Variants in SLC24A2 observed in about 807,000 individuals in gnomAD.
The protein encoded by SLC24A2 is sodium/potassium/calcium exchanger 2.
A neutral mutation model predicts 62.0 loss-of-function variants in SLC24A2; 36 were observed. The ratio of observed to expected loss-of-function variants is 0.58; its 90% CI spans 0.44 to 0.77. SLC24A2 has a LOEUF of 0.77. Ranked by LOEUF, SLC24A2 falls within the 30% of genes least tolerant of loss-of-function variation. The pLI is 0.00. For synonymous variants in SLC24A2, 358 were observed against 294.0 expected, an observed-to-expected ratio of 1.22 and a Z score of -2.23; for missense variants, 846 against 817.9, an observed-to-expected ratio of 1.03 and a Z score of -0.42.
At chr9:19,961,154 A>G in the SLC24A2 span, among the ~76,000 whole-genome samples, 2 of 151,476 alleles carry the variant, frequency 1.3e-5, no homozygotes, top group Non-Finnish European at 2.9e-5. Context: ...AGAGAGAGAG[A>G]GAGAGAGAGA....
Position 19,599,967 on chromosome 9 carries a change from T to C in SLC24A2, c.1079-2688A>G, listed in dbSNP as rs1319261654. 6.6e-6 allele frequency among the ~76,000 whole-genome samples: 1 copy of C among 152,186 alleles called. No individual in the cohort carries two copies. The highest frequency in any genetic ancestry group is 1.5e-5 in the Non-Finnish European group (1 of 68,022). On this transcript the variant is annotated intron_variant, in intron 4 of 10. Transcript: ENST00000341998. This position sits in a 1 kb window ranked among gnomAD's most constrained non-coding sequence, Gnocchi z 4.5. ...ATTCAAACTGGGGCTAATCCAAGGT[T>C]AGTTTTTTTGGGGATAGGAGGAAAG... is the stretch of plus-strand genomic sequence containing the variant.
At chr9:19,910,692 G>A in the SLC24A2 span, among the ~76,000 whole-genome samples, 2 of 151,898 alleles carry the variant, frequency 1.3e-5, no homozygotes, top group African/African-American at 2.4e-5. Flanking sequence ...CTGTCACCTC[G>A]CTATATCTAC....
chr9:20,016,168 C>T, the SLC24A2 span, among the ~76,000 whole-genome samples: 1 of 152,116 alleles, frequency 6.6e-6, no homozygotes, highest in African/African-American at 2.4e-5. Flanking sequence ...TAATACTTCC[C>T]CTTCCAAAGA....
At chr9:20,086,415 T>C in the SLC24A2 span, among the ~76,000 whole-genome samples, 1 of 152,148 alleles carries the variant, frequency 6.6e-6, no homozygotes, top group Non-Finnish European at 1.5e-5. Context: ...CTCCAAGCCC[T>C]AATGTGTTTG....
the SLC24A2 span, among the ~76,000 whole-genome samples, chr9:19,974,315 T>A: frequency 6.6e-6 from 1 of 152,178 alleles, no homozygotes; most frequent in Non-Finnish European, 1.5e-5. Flanking sequence ...AACCCTATAG[T>A]GAAATTTCTC....
chr9:20,137,024 G>T, the SLC24A2 span, among the ~76,000 whole-genome samples: 1 of 152,132 alleles, frequency 6.6e-6, no homozygotes, highest in African/African-American at 2.4e-5. Flanking sequence ...TATATTAAAT[G>T]GAGGCACATC....
chr9:19,521,864 C>T lies in SLC24A2; in HGVS notation c.1570-804G>A, dbSNP rs1389947924. On this transcript the variant is annotated intron_variant, in intron 9 of 10. Coordinates refer to ENST00000341998, the MANE Select transcript of SLC24A2 (RefSeq NM_020344.4). ...GGGGAGGGTGGCTATTACTTTTTTT[C>T]TTTTTTTTTCTTTTTTTTTTTTTGG... Among the ~76,000 whole-genome samples, 46 of 138,850 alleles carry T rather than the reference C, an allele frequency of 3.3e-4. 1 individual carries two copies. Among genetic ancestry groups the T allele is most frequent in the African/African-American group, 1.0e-3 (40 of 38,898 alleles). 91.1% of individuals were successfully genotyped at this position (138,850 alleles called of 152,430 possible).
the SLC24A2 span, among the ~76,000 whole-genome samples, chr9:20,232,952 C>A: frequency 6.6e-6 from 1 of 152,146 alleles, no homozygotes; most frequent in Non-Finnish European, 1.5e-5. Flanking sequence ...TTTCAAAGAA[C>A]ATCTTTATTT....
chr9:19,864,577 G>A, the SLC24A2 span, among the ~76,000 whole-genome samples: 1 of 152,010 alleles, frequency 6.6e-6, no homozygotes, highest in Non-Finnish European at 1.5e-5. Context: ...TCAACAGAAT[G>A]AAGGACAAAA....
At chr9:19,701,413 A>ATG (rs1820353156) in intron 2 of SLC24A2, among the ~76,000 whole-genome samples, 1 of 151,704 alleles carries the variant, frequency 6.6e-6, no homozygotes, top group Non-Finnish European at 1.5e-5. Context: ...CTTAGTCCAC[A>ATG]ACCGGTAGGA....
chr9:19,835,555 G>A, the SLC24A2 span, among the ~76,000 whole-genome samples: 1 of 152,256 alleles, frequency 6.6e-6, no homozygotes, highest in South Asian at 2.1e-4. Context: ...ATCCAATACA[G>A]GAGCACCCAG....
At chr9:19,779,878 T>G (rs1269683646) in intron 2 of SLC24A2, among the ~76,000 whole-genome samples, 1 of 144,558 alleles carries the variant, frequency 6.9e-6, no homozygotes, top group Non-Finnish European at 1.5e-5. Context: ...GCTAACATGG[T>G]GAAACCCCGT....
At chr9:20,017,525 T>C in the SLC24A2 span, among the ~76,000 whole-genome samples, 1 of 151,986 alleles carries the variant, frequency 6.6e-6, no homozygotes, top group African/African-American at 2.4e-5. Context: ...TATGAAAGGG[T>C]GTTTATTAGG....
the SLC24A2 span, among the ~76,000 whole-genome samples, chr9:20,028,328 A>C: frequency 6.6e-6 from 1 of 152,160 alleles, no homozygotes; most frequent in Non-Finnish European, 1.5e-5. Context: ...ATGCATTAGC[A>C]CTGATGGTTC....
the SLC24A2 span, among the ~76,000 whole-genome samples, chr9:19,955,970 G>A: frequency 6.6e-6 from 1 of 152,188 alleles, no homozygotes; most frequent in East Asian, 1.9e-4. Context: ...GAATAGGTAA[G>A]CCCAGTGTTT....
chr9:19,841,367 G>T, the SLC24A2 span, among the ~76,000 whole-genome samples: 1 of 151,996 alleles, frequency 6.6e-6, no homozygotes, highest in Non-Finnish European at 1.5e-5. Flanking sequence ...AGGAGATGAG[G>T]GGCAAGTCAT....
intron 8 of SLC24A2, among the ~76,000 whole-genome samples, chr9:19,548,566 C>A (rs1157667639): frequency 6.6e-6 from 1 of 152,214 alleles, no homozygotes; most frequent in Non-Finnish European, 1.5e-5. Context: ...TGTTCATCCT[C>A]TTGCCAATCT....
chr9:19,523,591 T>C (rs542977831), intron 9 of SLC24A2, among the ~76,000 whole-genome samples: 216 of 152,204 alleles, frequency 1.4e-3, no homozygotes, highest in African/African-American at 5.1e-3. Flanking sequence ...GCCTCCCAAG[T>C]AGCTGGGATT....
At chr9:20,099,533 T>C in the SLC24A2 span, among the ~76,000 whole-genome samples, 2 of 151,998 alleles carry the variant, frequency 1.3e-5, no homozygotes, top group Admixed American at 6.6e-5. Context: ...AAAACAATTT[T>C]TAACAAAAAA....
Sources: gnomAD v4.1 joint callset for allele counts (sites outside exome capture counted in the v4.1 genomes callset) on GRCh38, gnomAD v4.1.1 for gene constraint, Gnocchi (gnomAD v3.1) non-coding constraint, MANE v1.5 for transcripts, NCBI Gene and HGNC (gene_info 2026-07-23, HGNC 2026-07-21) for gene names.